USP37: variants seen among roughly 807,000 people sequenced by gnomAD.
USP37 encodes ubiquitin carboxyl-terminal hydrolase 37.
Under a neutral mutation model 124.0 loss-of-function variants are expected in USP37, and 27 were observed. The observed-to-expected ratio is 0.22, with a 90% CI of 0.16 to 0.30. The LOEUF (loss-of-function observed/expected upper bound fraction) is 0.30, where lower values mean the gene tolerates loss of function less well. USP37 is among the 10% of genes least tolerant of loss of function. USP37 has a pLI of 1.00. For missense variants in USP37, 889 were observed against 1,140.4 expected (o/e 0.78, Z 3.17); for synonymous variants, 365 against 388.0 (o/e 0.94, Z 0.70).
chr2:218,561,010 A>G (rs1693278329), intron 2 of USP37, 127 bp from the exon 3 acceptor site: 1 of 152,220 alleles, frequency 6.6e-6, no homozygotes, highest in Admixed American at 6.5e-5. Flanking sequence ...GCAGATTTAG[A>G]TATTAGTATA....
intron 11 of USP37, among the ~76,000 whole-genome samples, chr2:218,507,440 G>C (rs1451417118): frequency 1.3e-5 from 2 of 152,304 alleles, no homozygotes; most frequent in East Asian, 3.9e-4. Flanking sequence ...TTACAGGTGT[G>C]AGCCACAGTG....
rs1379895136 is a variant in USP37 at position 218,491,833 on chromosome 2, C to T, written c.1473-3412G>A. Among the ~76,000 whole-genome samples, 4 of 152,094 alleles carry T rather than the reference C, an allele frequency of 2.6e-5. No individual in the cohort carries two copies. The East Asian group carries it at 5.8e-4, about 22-fold the overall frequency. On this transcript the variant is annotated intron_variant, in intron 14 of 25. Transcript: ENST00000258399. ...AAGATCAGAGCAGAGTATCTGATAG[C>T]ATGGCAAGAAAACACATCACTGAAC...
chr2:218,467,028 G>A (rs1166122618), intron 20 of USP37, among the ~76,000 whole-genome samples: 1 of 152,036 alleles, frequency 6.6e-6, no homozygotes, highest in Non-Finnish European at 1.5e-5. Context: ...ACTGTGCCTC[G>A]CCGATTTTCC....
chr2:218,530,414 T>C (rs754703541), intron 9 of USP37, among the ~76,000 whole-genome samples: 25 of 152,216 alleles, frequency 1.6e-4, no homozygotes, highest in Non-Finnish European at 3.5e-4. Context: ...TTGATGTTAC[T>C]GTTGTCACTG....
intron 11 of USP37, among the ~76,000 whole-genome samples, chr2:218,500,238 C>T (rs2105992864): frequency 6.6e-6 from 1 of 151,842 alleles, no homozygotes; most frequent in South Asian, 2.1e-4. Context: ...CCACACGCAG[C>T]TAATGTTTGT....
At chr2:218,534,280 G>A (rs1001756247) in intron 9 of USP37, among the ~76,000 whole-genome samples, 10 of 152,156 alleles carry the variant, frequency 6.6e-5, no homozygotes, top group Non-Finnish European at 7.4e-5. Context: ...CTTGTGTTCA[G>A]GATTTTGAAA....
At chr2:218,512,294 G>T (rs1476170025) in intron 10 of USP37, among the ~76,000 whole-genome samples, 1 of 152,094 alleles carries the variant, frequency 6.6e-6, no homozygotes, top group Non-Finnish European at 1.5e-5. Flanking sequence ...ATCACCTGAG[G>T]TCAGGAGTTT....
intron 14 of USP37, among the ~76,000 whole-genome samples, chr2:218,490,592 A>G (rs923332902): frequency 1.3e-5 from 2 of 152,166 alleles, no homozygotes; most frequent in Admixed American, 6.5e-5. Flanking sequence ...TGTTACAGCT[A>G]AAGACTGAAA....
intron 10 of USP37, among the ~76,000 whole-genome samples, chr2:218,511,694 G>A (rs1419283587): frequency 6.6e-6 from 1 of 151,958 alleles, no homozygotes; most frequent in Non-Finnish European, 1.5e-5. Flanking sequence ...CAATTTGCTC[G>A]CCTCAGCCTC....
At chr2:218,472,328 T>C (rs1690739624) in intron 20 of USP37, among the ~76,000 whole-genome samples, 1 of 152,156 alleles carries the variant, frequency 6.6e-6, no homozygotes, top group Non-Finnish European at 1.5e-5. Flanking sequence ...TAGCCACGGT[T>C]CACTAGATGC....
In USP37 at chr2:218,474,087, A is replaced by C. The variant is rs117507703; in HGVS notation, c.2299+543T>G. Among the ~76,000 whole-genome samples the C allele has an allele frequency of 8.4e-4, 128 of 152,324 alleles. 1 individual carries two copies. The East Asian group carries it at 0.014, about 17-fold the overall frequency. On this transcript the variant is annotated intron_variant, in intron 20 of 25. Transcript: ENST00000258399. ...GAACTTGAATTATTTATACCCTAAC[A>C]CCTGGTGTAAATTCAGATATAGGAA...
rs960332612 is a variant in USP37 at position 218,474,793 on chromosome 2, G to A, written c.2136C>T (p.Val712=). 1.9e-6 allele frequency: 3 copies of A among 1,614,128 alleles called. No individual in the cohort carries two copies. Among genetic ancestry groups the A allele is most frequent in the Admixed American group, 3.3e-5 (2 of 60,010 alleles). The change falls in exon 20 of 26, where the codon GTC becomes GTT. Residue 712 remains valine (V), a synonymous_variant. Coordinates refer to ENST00000258399, the MANE Select transcript of USP37 (RefSeq NM_020935.3). ...RMSEEELLAA[V]LEISKRDASP... ...AAGCATCTCTCTTACTTATCTCCAA[G>A]ACAGCTGCTAGAAGCTCTTCTTCGC... is the stretch of plus-strand genomic sequence containing the variant.
At chr2:218,560,598 G>T (rs1305457781) in intron 3 of USP37, among the ~76,000 whole-genome samples, 1 of 152,148 alleles carries the variant, frequency 6.6e-6, no homozygotes, top group African/African-American at 2.4e-5. Context: ...ATCTATAGGG[G>T]CTAGCAGGTG....
At chr2:218,566,315 A>G (rs1377914031) in intron 1 of USP37, among the ~76,000 whole-genome samples, 2 of 152,228 alleles carry the variant, frequency 1.3e-5, no homozygotes, top group African/African-American at 4.8e-5. Context: ...ATGTGGCTAC[A>G]GTTTAGTGAA....
At chr2:218,455,770 G>C (rs753945901) in intron 24 of USP37, 52 bp from the exon 25 acceptor site, 13 of 1,581,580 alleles carry the variant, frequency 8.2e-6, no homozygotes, top group Non-Finnish European at 1.0e-5. Flanking sequence ...CACCGAAGCT[G>C]GGCGCGATGG....
At chr2:218,498,298 G>C in intron 11 of USP37, 141 bp from the exon 12 acceptor site, 1 of 808,218 alleles carries the variant, frequency 1.2e-6, no homozygotes, top group Non-Finnish European at 1.8e-6. Context: ...TAACCCCAAG[G>C]TTTCTGATTC....
At chr2:218,481,127 A>G (rs185018319) in intron 17 of USP37, among the ~76,000 whole-genome samples, 120 of 152,352 alleles carry the variant, frequency 7.9e-4, no homozygotes, top group Non-Finnish European at 1.3e-3. Context: ...ATATGGCTTC[A>G]AAGTAATGCA....
intron 4 of USP37, among the ~76,000 whole-genome samples, 187 bp from the exon 5 acceptor site, chr2:218,553,911 T>C (rs72959946): frequency 0.018 from 2,687 of 152,316 alleles, 34 homozygotes; most frequent in Non-Finnish European, 0.029. Flanking sequence ...ATTTACCTTT[T>C]AGGAGATGCA....
Position 218,549,856 on chromosome 2 carries a change from T to C in USP37, c.382A>G (p.Thr128Ala). 2 of 1,613,364 alleles carry C rather than the reference T, an allele frequency of 1.2e-6. No individual in the cohort carries two copies. Among genetic ancestry groups the C allele is most frequent in the South Asian group, 2.2e-5 (2 of 90,966 alleles). The change falls in exon 6 of 26, where the codon ACC (threonine) becomes GCC (alanine). Residue 128 changes from threonine to alanine, a missense_variant. By Grantham distance (58) the Thr-to-Ala change is moderately conservative (BLOSUM62 0). Coordinates refer to ENST00000258399, the MANE Select transcript of USP37 (RefSeq NM_020935.3). Reference sequence around the variant, plus strand: ...TGCCTGCTGGTTTCCTTCTGTGAGGTCCTGCTGCCCAGAATGGCTCCAAAA... The same window carrying C: ...TGCCTGCTGGTTTCCTTCTGTGAGGCCCTGCTGCCCAGAATGGCTCCAAAA... ...GSFGAILGSR[T>A]SQKETSRQLS...
Sources: allele counts gnomAD v4.1 joint callset (sites outside exome capture counted in the v4.1 genomes callset), GRCh38; gene constraint gnomAD v4.1.1; transcripts MANE v1.5; gene names NCBI Gene and HGNC (gene_info 2026-07-23, HGNC 2026-07-21).